The following PCLO variants were observed in gnomAD, a reference collection of about 807,000 sequenced individuals.
PCLO encodes protein piccolo.
A neutral mutation model predicts 427.5 loss-of-function variants in PCLO; 82 were observed. The observed-to-expected ratio is 0.19, with a 90% CI of 0.16 to 0.23. The LOEUF (loss-of-function observed/expected upper bound fraction) is 0.23, where lower values mean the gene tolerates loss of function less well. PCLO is among the 10% of genes least tolerant of loss of function. PCLO has a pLI of 1.00. For synonymous variants in PCLO, 2,357 were observed against 2,155.4 expected (o/e 1.09, Z -2.59); for missense variants, 6,239 against 6,115.9 (o/e 1.02, Z -0.67).
At chr7:82,894,726 TCAGA>T (rs986132160) in intron 9 of PCLO, among the ~76,000 whole-genome samples, 23 of 152,016 alleles carry the variant, frequency 1.5e-4, no homozygotes, top group African/African-American at 5.1e-4. Flanking sequence ...GATAATTCTA[TCAGA>T]CAGGGCAGGG....
At chr7:82,762,137 C>G in intron 22 of PCLO, among the ~76,000 whole-genome samples, 1 of 151,906 alleles carries the variant, frequency 6.6e-6, no homozygotes, top group Non-Finnish European at 1.5e-5. Flanking sequence ...GGGAAGAAAA[C>G]CATTCATCAG....
intron 10 of PCLO, among the ~76,000 whole-genome samples, chr7:82,861,090 G>A (rs1282597291): frequency 6.6e-6 from 1 of 151,902 alleles, no homozygotes; most frequent in Non-Finnish European, 1.5e-5. Context: ...AATGGCAGGA[G>A]TAGGCTCTAA....
At chr7:83,032,636 GCT>G (rs1352163365) in intron 3 of PCLO, among the ~76,000 whole-genome samples, 1 of 151,996 alleles carries the variant, frequency 6.6e-6, no homozygotes, top group African/African-American at 2.4e-5. Flanking sequence ...TTCCTGAAGG[GCT>G]ACTAGAAATT....
At chr7:83,058,451 T>C (rs1789457081) in intron 3 of PCLO, among the ~76,000 whole-genome samples, 1 of 152,142 alleles carries the variant, frequency 6.6e-6, no homozygotes, top group Admixed American at 6.6e-5. Flanking sequence ...TTCTCTAACA[T>C]ACAGTCTGAC....
intron 6 of PCLO, among the ~76,000 whole-genome samples, chr7:82,935,176 G>A (rs58368321): frequency 0.012 from 1,389 of 120,202 alleles, 28 homozygotes; most frequent in African/African-American, 0.042. Flanking sequence ...TGACCAGGAA[G>A]CAAGCAGCCT....
chr7:82,792,627 A>G (rs2129468442), intron 22 of PCLO, among the ~76,000 whole-genome samples: 1 of 151,880 alleles, frequency 6.6e-6, no homozygotes, highest in East Asian at 1.9e-4. Flanking sequence ...TCACCCCACC[A>G]CCATTTTATA....
intron 3 of PCLO, among the ~76,000 whole-genome samples, chr7:82,976,641 C>T (rs549190924): frequency 9.9e-5 from 15 of 151,918 alleles, no homozygotes; most frequent in Non-Finnish European, 1.9e-4. Context: ...GTGCATTTTA[C>T]TGGAATTTAA....
chr7:83,055,040 C>T (rs1789344485), intron 3 of PCLO, among the ~76,000 whole-genome samples: 1 of 152,072 alleles, frequency 6.6e-6, no homozygotes, highest in African/African-American at 2.4e-5. Context: ...TTCCTCACAA[C>T]AGAAAATCTC....
At chr7:82,969,587 ACT>A (rs1020270814) in intron 3 of PCLO, among the ~76,000 whole-genome samples, 2 of 152,074 alleles carry the variant, frequency 1.3e-5, no homozygotes, top group African/African-American at 4.8e-5. Context: ...CTGAACTTAC[ACT>A]CTGACTAATT....
intron 3 of PCLO, among the ~76,000 whole-genome samples, chr7:82,978,786 A>G (rs1017932681): frequency 2.0e-5 from 3 of 151,588 alleles, no homozygotes; most frequent in Admixed American, 6.6e-5. Flanking sequence ...TGGCAGACCA[A>G]TTGGATTTGG....
chr7:83,054,978 T>C (rs1178665080), intron 3 of PCLO, among the ~76,000 whole-genome samples: 1 of 152,130 alleles, frequency 6.6e-6, no homozygotes, highest in African/African-American at 2.4e-5. Context: ...ATCTTGTATA[T>C]TTTTATTTGC....
At chr7:82,849,222 A>G (rs146613626) in intron 10 of PCLO, among the ~76,000 whole-genome samples, 13 of 152,278 alleles carry the variant, frequency 8.5e-5, no homozygotes, top group South Asian at 2.1e-4. Flanking sequence ...AATTTACAAA[A>G]CAATTATCCT....
At chr7:82,931,186 AC>A (rs1314390575) in intron 6 of PCLO, among the ~76,000 whole-genome samples, 1 of 152,152 alleles carries the variant, frequency 6.6e-6, no homozygotes, top group African/African-American at 2.4e-5. Flanking sequence ...TACTATTATT[AC>A]CTTCAATTTA....
At chr7:82,879,592 C>G in intron 9 of PCLO, 130 bp from the exon 10 acceptor site, 1 of 628,170 alleles carries the variant, frequency 1.6e-6, no homozygotes, top group South Asian at 2.2e-5. Flanking sequence ...TGGAAATGAA[C>G]ACCAAAACCA....
At chr7:82,833,139 A>G (rs1378643357) in intron 16 of PCLO, among the ~76,000 whole-genome samples, 1 of 152,116 alleles carries the variant, frequency 6.6e-6, no homozygotes, top group Non-Finnish European at 1.5e-5. Flanking sequence ...AATTTTGGAC[A>G]CCATATTGTA....
rs2116266798 is a variant in PCLO, at chr7:82,915,725, C to T, written c.12261G>A (p.Arg4087=). 1 of 1,612,296 alleles carries T rather than the reference C, an allele frequency of 6.2e-7. No homozygotes were observed. Among genetic ancestry groups the T allele is most frequent in the South Asian group, 1.1e-5 (1 of 90,978 alleles). ...CTAGGAAATCTGTCACTTCTTGAGACCGGCGTGTCTCAGTGGTTCGAAGGA... is the reference window on the plus strand; with the variant it reads ...CTAGGAAATCTGTCACTTCTTGAGATCGGCGTGTCTCAGTGGTTCGAAGGA... ...DRLLRTTETR[R]SQEVTDFLAP... is the part of the protein sequence containing the mutation. Residue 4087 remains arginine, a synonymous_variant, in exon 7 of 25, where the codon CGG becomes CGA. Transcript: ENST00000333891.
chr7:83,069,554 T>A (rs1789752822), intron 3 of PCLO, among the ~76,000 whole-genome samples: 1 of 152,218 alleles, frequency 6.6e-6, no homozygotes, highest in African/African-American at 2.4e-5. Context: ...AAAGTCAAGT[T>A]ATACATGTAC....
chr7:83,076,954 C>T lies in PCLO; in HGVS notation c.3300+57296G>A, dbSNP rs193040541. 5.0e-3 allele frequency among the ~76,000 whole-genome samples: 749 copies of T among 151,070 alleles called. 3 individuals carry two copies. The highest frequency in any genetic ancestry group is 8.3e-3 in the Non-Finnish European group (562 of 67,868). On this transcript the variant is annotated intron_variant, in intron 3 of 24. Coordinates refer to ENST00000333891, the MANE Select transcript of PCLO (RefSeq NM_033026.6). ...CGACATTTTTTGAGCATTGCTCTTA[C>T]ATTTAGAGCATAATAGCCTGCTTTA...
At chr7:82,793,611 A>C (rs769010219) in intron 22 of PCLO, among the ~76,000 whole-genome samples, 13 of 152,170 alleles carry the variant, frequency 8.5e-5, no homozygotes, top group Non-Finnish European at 1.8e-4. Context: ...CTGTACCCCA[A>C]AATACATGGG....
Sources: gnomAD v4.1 joint callset for allele counts (sites outside exome capture counted in the v4.1 genomes callset) on GRCh38, gnomAD v4.1.1 for gene constraint, MANE v1.5 for transcripts, NCBI Gene and HGNC (gene_info 2026-07-23, HGNC 2026-07-21) for gene names.